The following FYCO1 variants were observed in gnomAD, a reference collection of about 807,000 sequenced individuals.
FYCO1 encodes FYVE and coiled-coil domain-containing protein 1.
A neutral mutation model predicts 165.1 loss-of-function variants in FYCO1; 122 were observed. The ratio of observed to expected loss-of-function variants is 0.74; its 90% CI spans 0.64 to 0.86. FYCO1 has a LOEUF of 0.86. Ranked by LOEUF, FYCO1 falls within the 40% of genes least tolerant of loss-of-function variation. The pLI is 0.00. For missense variants in FYCO1, 1,702 were observed against 1,810.3 expected, an observed-to-expected ratio of 0.94 and a Z score of 1.09; for synonymous variants, 648 against 742.5, an observed-to-expected ratio of 0.87 and a Z score of 2.07.
Position 45,921,784 on chromosome 3 carries a change from T to C in FYCO1, c.4418A>G (p.Asp1473Gly), listed in dbSNP as rs778635228. 5.9e-5 allele frequency: 95 copies of C among 1,611,218 alleles called. No homozygotes were observed. Among genetic ancestry groups the C allele is most frequent in the Non-Finnish European group, 7.1e-5 (84 of 1,177,414 alleles). The change falls in exon 18 of 18, where the codon GAT becomes GGT. Residue 1473 changes from aspartate (D) to glycine (G), a missense_variant. By Grantham distance (94) the Asp-to-Gly change is moderately conservative. Transcript: ENST00000296137. ...CTGAAGCTACAGGAAATCACTTCCA[T>C]CGTAGATCACAGGCCGATCAACCGT... is the stretch of plus-strand genomic sequence containing the variant. ...HLTVDRPVIY[D>G]GSDFL
rs755421854 is a variant in FYCO1 at position 45,946,447 on chromosome 3, G to T, written c.3944+8802C>A. On this transcript the variant is annotated intron_variant, in intron 14 of 17. Coordinates refer to ENST00000296137, the MANE Select transcript of FYCO1 (RefSeq NM_024513.4). ...CCTCAGCCCCAAATATAATTCCTGGGTTCTGACTCACAGGTGTTCATCAGA... is the reference window on the plus strand; with the variant it reads ...CCTCAGCCCCAAATATAATTCCTGGTTTCTGACTCACAGGTGTTCATCAGA... 5 of 1,569,754 alleles carry T rather than the reference G, an allele frequency of 3.2e-6. No individual in the cohort carries two copies. In the Admixed American group the frequency reaches 8.6e-5, roughly 27 times the overall value.
chr3:45,979,576 G>C, intron 4 of FYCO1, 129 bp downstream of exon 4: 1 of 1,101,688 alleles, frequency 9.1e-7, no homozygotes, highest in South Asian at 1.3e-5. Flanking sequence ...CGTATACCTG[G>C]ACTAGATTTC....
At chr3:45,959,273 C>T (rs112248588) in intron 12 of FYCO1, 120 bp downstream of exon 12, 2 of 1,118,862 alleles carry the variant, frequency 1.8e-6, no homozygotes, top group African/African-American at 1.5e-5. Context: ...ACGCAATGTG[C>T]TCTTCCTAAA....
chr3:45,959,470 C>A lies in FYCO1; in HGVS notation c.3510G>T (p.Trp1170Cys), dbSNP rs1575361379. The A allele has an allele frequency of 1.2e-6, 2 of 1,614,182 alleles. No individual in the cohort carries two copies. Among genetic ancestry groups the A allele is most frequent in the East Asian group, 4.5e-5 (2 of 44,866 alleles). ...AGTGGTTTGCCTCTGTGTCTCCGAG[C>A]CATCTCTCCTCAGCACTGAGCTTCT... The part of the protein sequence containing the change: ...FQQKLSAEER[W>C]LGDTEANHCL... The change falls in exon 12 of 18, where the codon TGG becomes TGT. Residue 1170 changes from tryptophan (W) to cysteine (C), a missense_variant. Physicochemically the swap from Trp to Cys is radical, Grantham distance 215. Coordinates refer to ENST00000296137, the MANE Select transcript of FYCO1 (RefSeq NM_024513.4).
Position 45,923,711 on chromosome 3 carries a change from G to A in FYCO1, c.4306C>T (p.Leu1436Phe). 1 of 1,614,196 alleles carries A rather than the reference G, an allele frequency of 6.2e-7. No homozygotes were observed. The highest frequency in any genetic ancestry group is 8.5e-7 in the Non-Finnish European group (1 of 1,180,014). The change falls in exon 17 of 18, where the codon CTC (leucine) becomes TTC (phenylalanine). Residue 1436 changes from leucine to phenylalanine, a missense_variant. Transcript: ENST00000296137. ...NSHKENIQGQLKVRTPGIYML... is the reference protein window; with the variant it reads ...NSHKENIQGQFKVRTPGIYML... ...TAGATGCCGGGTGTGCGAACCTTGA[G>A]CTGGCCCTGGATGTTCTCCTTGTGG...
chr3:45,953,862 C>G (rs1705165610), intron 14 of FYCO1, among the ~76,000 whole-genome samples: 1 of 152,226 alleles, frequency 6.6e-6, no homozygotes, highest in South Asian at 2.1e-4. Context: ...GTGGGTTTAT[C>G]TGCAGCTAAA....
chr3:45,957,309 C>T (rs1705394895), intron 13 of FYCO1, among the ~76,000 whole-genome samples: 1 of 152,192 alleles, frequency 6.6e-6, no homozygotes, highest in South Asian at 2.1e-4. Flanking sequence ...TAAGCGACAA[C>T]AGAAGAAGGT....
At position 45,984,900 on chromosome 3, in the gene FYCO1, G is replaced by A; in HGVS notation, c.11C>T (p.Thr4Ile). 1 of 1,614,156 alleles carries A rather than the reference G, an allele frequency of 6.2e-7. No homozygotes were observed. The highest frequency in any genetic ancestry group is 8.5e-7 in the Non-Finnish European group (1 of 1,180,030). The change falls in exon 2 of 18, where the codon ACC becomes ATC. Residue 4 changes from threonine to isoleucine, a missense_variant. Physicochemically the swap from Thr to Ile is moderately conservative, Grantham distance 89. Coordinates refer to ENST00000296137, the MANE Select transcript of FYCO1 (RefSeq NM_024513.4). ...TCTCTGGAGCTGGCTCTCTGCATTG[G>A]TGGAGGCCATGGTGAGTTTGCCTTT... MAS[T>I]NAESQLQRII... is the part of the protein sequence containing the mutation.
chr3:45,970,180 T>C (rs1014415070), intron 6 of FYCO1, among the ~76,000 whole-genome samples: 5 of 152,206 alleles, frequency 3.3e-5, no homozygotes, highest in African/African-American at 1.2e-4. Flanking sequence ...CTGGGAGGCC[T>C]GCTTCTAGGT....
chr3:45,957,584 G>T (rs930511518), intron 13 of FYCO1, among the ~76,000 whole-genome samples: 1 of 152,176 alleles, frequency 6.6e-6, no homozygotes, highest in African/African-American at 2.4e-5. Flanking sequence ...TTTTAAAATG[G>T]GCAAAAGATT....
chr3:45,966,555 C>A lies in FYCO1; in HGVS notation c.2779G>T (p.Ala927Ser). 1 of 1,614,194 alleles carries A rather than the reference C, an allele frequency of 6.2e-7. No homozygotes were observed. The stretch of plus-strand genomic sequence containing the variant: ...TCCTGGAGCTCCTGGACAGCACAGG[C>A]CAGTGCCTCCTCCACTCGCTCCTTT... ...VEKERVEEAL[A>S]CAVQELQDAK... The change falls in exon 8 of 18, where the codon GCC (alanine) becomes TCC (serine). Residue 927 changes from alanine to serine, a missense_variant. Transcript: ENST00000296137.
Position 45,931,201 on chromosome 3 carries a change from T to A in FYCO1, c.4121A>T (p.Tyr1374Phe), listed in dbSNP as rs564785511. The change falls in exon 16 of 18, where the codon TAC (tyrosine) becomes TTC (phenylalanine). Residue 1374 changes from tyrosine to phenylalanine, a missense_variant. Physicochemically the swap from Tyr to Phe is conservative, Grantham distance 22. Coordinates refer to ENST00000296137, the MANE Select transcript of FYCO1 (RefSeq NM_024513.4). Reference sequence around the variant, plus strand: ...GGCCACAGTGATGGGGATCAGGCTGTAGGTGCTGGACCTCACAAACAGCTC... The same window carrying A: ...GGCCACAGTGATGGGGATCAGGCTGAAGGTGCTGGACCTCACAAACAGCTC... ...SRELFVRSST[Y>F]SLIPITVAEA... 9.9e-6 allele frequency: 16 copies of A among 1,614,084 alleles called. No individual in the cohort carries two copies. In the African/African-American group the frequency reaches 2.0e-4, roughly 20 times the overall value.
At chr3:45,985,588 G>A (rs961293804) in intron 1 of FYCO1, among the ~76,000 whole-genome samples, 6 of 152,090 alleles carry the variant, frequency 3.9e-5, no homozygotes, top group Non-Finnish European at 5.9e-5. Flanking sequence ...CCCCTTCGTC[G>A]TGAGGCTTGA....
intron 17 of FYCO1, among the ~76,000 whole-genome samples, chr3:45,922,596 T>C (rs1001361102): frequency 6.6e-6 from 1 of 152,176 alleles, no homozygotes; most frequent in African/African-American, 2.4e-5. Context: ...CTGGCCATGA[T>C]AGGTCTATGC....
chr3:45,946,479 A>C (rs1031601685), intron 14 of FYCO1: 3 of 1,610,562 alleles, frequency 1.9e-6, no homozygotes, highest in Non-Finnish European at 1.7e-6. Context: ...CAGAACAGAC[A>C]CCATGGCAGA....
At chr3:45,936,860 C>G (rs890491760) in intron 14 of FYCO1, among the ~76,000 whole-genome samples, 2 of 152,184 alleles carry the variant, frequency 1.3e-5, no homozygotes, top group Non-Finnish European at 2.9e-5. Flanking sequence ...CCCACGCCAG[C>G]AGAGCTGTTG....
intron 12 of FYCO1, 124 bp downstream of exon 12, chr3:45,959,269 T>C (rs1705549089): frequency 9.3e-7 from 1 of 1,080,880 alleles, no homozygotes; most frequent in South Asian, 1.3e-5. Context: ...CAAAACGCAA[T>C]GTGCTCTTCC....
In FYCO1 at chr3:45,981,560, C is replaced by A. The variant is rs756843277; in HGVS notation, c.162+10G>T. 2 of 1,500,114 alleles carry A rather than the reference C, an allele frequency of 1.3e-6. No individual in the cohort carries two copies. The highest frequency in any genetic ancestry group is 9.3e-7 in the Non-Finnish European group (1 of 1,075,846). The allele number at this position is 1,500,114 out of a possible 1,614,324, so 92.9% of individuals were successfully genotyped here. A position where few individuals can be genotyped will look rare whatever the true frequency, so the allele number is the denominator to read the frequency against. ...AGTGCAAAAATCAACACATTACAGG[C>A]ATCACTTACTTGCAGGAGATACTCA... On this transcript the variant is annotated intron_variant, in intron 3 of 17. Coordinates refer to ENST00000296137, the MANE Select transcript of FYCO1 (RefSeq NM_024513.4).
intron 1 of FYCO1, among the ~76,000 whole-genome samples, chr3:45,994,039 G>A (rs1707681417): frequency 6.6e-6 from 1 of 152,054 alleles, no homozygotes. Flanking sequence ...GCTCTGTTAT[G>A]GGTGATTCCT....
Sources: allele counts gnomAD v4.1 joint callset (sites outside exome capture counted in the v4.1 genomes callset), GRCh38; gene constraint gnomAD v4.1.1; transcripts MANE v1.5; gene names NCBI Gene and HGNC (gene_info 2026-07-23, HGNC 2026-07-21).